Variants in RGS6 observed in about 807,000 individuals in gnomAD.
The protein encoded by RGS6 is regulator of G protein signaling 6, also known as regulator of G-protein signaling 6.
In RGS6, 30 loss-of-function variants were observed where a neutral mutation model predicts 78.5. The observed-to-expected ratio is 0.38, with a 90% CI of 0.29 to 0.52. The LOEUF (loss-of-function observed/expected upper bound fraction) is 0.52, where lower values mean the gene tolerates loss of function less well. RGS6 is among the 20% of genes least tolerant of loss of function. The pLI is 0.85. For synonymous variants in RGS6, 206 were observed against 206.0 expected (o/e 1.00, Z 0.00); for missense variants, 495 against 609.7 (o/e 0.81, Z 1.98).
the RGS6 span, chr14:72,612,377 T>C: frequency 2.1e-6 from 1 of 483,694 alleles, no homozygotes; most frequent in Admixed American, 2.1e-5. Context: ...TGCTCTGAGA[T>C]AATCATTCTA....
intron 17 of RGS6, chr14:72,540,537 C>T: frequency 1.3e-6 from 2 of 1,575,238 alleles, no homozygotes; most frequent in Admixed American, 3.4e-5. Context: ...CCCTGGCAGT[C>T]ACGCCGGTGT....
intron 2 of RGS6, among the ~76,000 whole-genome samples, chr14:72,314,664 C>T (rs571920777): frequency 1.3e-5 from 2 of 152,318 alleles, no homozygotes; most frequent in Non-Finnish European, 2.9e-5. Flanking sequence ...GAGATTTTGC[C>T]ATTCTGCCAC....
intron 7 of RGS6, among the ~76,000 whole-genome samples, chr14:72,468,853 T>C (rs2095997052): frequency 6.6e-6 from 1 of 152,200 alleles, no homozygotes; most frequent in Admixed American, 6.5e-5. Flanking sequence ...TAGAAGTACT[T>C]TCACACCAAG....
intron 2 of RGS6, among the ~76,000 whole-genome samples, chr14:72,192,949 C>T (rs2097345667): frequency 6.6e-6 from 1 of 151,898 alleles, no homozygotes; most frequent in African/African-American, 2.4e-5. Flanking sequence ...CTTCATCCAG[C>T]CATGGCAGAT....
At chr14:71,967,397 C>T (rs1180635210) in intron 2 of RGS6, among the ~76,000 whole-genome samples, 1 of 152,050 alleles carries the variant, frequency 6.6e-6, no homozygotes, top group Non-Finnish European at 1.5e-5. Context: ...GTTTTCTACT[C>T]CTGATGCTGT....
At chr14:72,450,213 C>T (rs950675426) in intron 3 of RGS6, among the ~76,000 whole-genome samples, 2 of 151,878 alleles carry the variant, frequency 1.3e-5, no homozygotes, top group Non-Finnish European at 2.9e-5. Flanking sequence ...TTTACAGTAA[C>T]CCTGTTCTCA....
At chr14:72,501,983 A>G (rs2153428330) in intron 13 of RGS6, among the ~76,000 whole-genome samples, 1 of 152,210 alleles carries the variant, frequency 6.6e-6, no homozygotes, top group Middle Eastern at 3.4e-3. Flanking sequence ...GTGGATCTCC[A>G]AATATGGCCC....
rs2094207081 is a variant in RGS6, at chr14:71,977,648, C to T, written c.84+12773C>T. On this transcript the variant is annotated intron_variant, in intron 2 of 17. Coordinates refer to ENST00000553525, the MANE Select transcript of RGS6 (RefSeq NM_001204424.2). The stretch of plus-strand genomic sequence containing the variant: ...TCTCTGTTTTGGTACCAGTACCATG[C>T]TGTTTTGGTTACTGTAGCCTTGTAG... Among the ~76,000 whole-genome samples the T allele has an allele frequency of 4.7e-5, 7 of 150,146 alleles. No individual in the cohort carries two copies. The South Asian group carries it at 1.0e-3, about 22-fold the overall frequency.
chr14:72,375,002 A>G (rs780003097), intron 3 of RGS6, among the ~76,000 whole-genome samples: 2 of 152,236 alleles, frequency 1.3e-5, no homozygotes, highest in Non-Finnish European at 2.9e-5. Context: ...AGCAGATTTG[A>G]CACAGCTAAA....
At chr14:72,021,452 T>C (rs1205746872) in intron 2 of RGS6, among the ~76,000 whole-genome samples, 3 of 150,820 alleles carry the variant, frequency 2.0e-5, no homozygotes, top group Non-Finnish European at 2.9e-5. Context: ...TTTTCTTTTT[T>C]CCTTTTTCTA....
intron 2 of RGS6, among the ~76,000 whole-genome samples, chr14:72,271,977 G>T (rs2060019944): frequency 6.7e-6 from 1 of 149,092 alleles, no homozygotes; most frequent in African/African-American, 2.5e-5. Context: ...TGATGGCACT[G>T]GGGCCACTGG....
At chr14:72,047,053 T>C (rs981553639) in intron 2 of RGS6, among the ~76,000 whole-genome samples, 3 of 152,242 alleles carry the variant, frequency 2.0e-5, no homozygotes, top group African/African-American at 7.2e-5. Flanking sequence ...ATTTTCTTTA[T>C]AGTAGATGCT....
intron 2 of RGS6, among the ~76,000 whole-genome samples, chr14:72,314,258 C>G (rs2069433216): frequency 1.3e-5 from 2 of 152,198 alleles, no homozygotes; most frequent in African/African-American, 4.8e-5. Flanking sequence ...GGTTAGACAG[C>G]TCACTGACAT....
intron 3 of RGS6, among the ~76,000 whole-genome samples, chr14:72,414,085 C>G (rs1410075035): frequency 1.3e-5 from 2 of 152,124 alleles, no homozygotes; most frequent in Non-Finnish European, 2.9e-5. Flanking sequence ...TTGTGGCGTT[C>G]TCTGTATTTC....
intron 2 of RGS6, among the ~76,000 whole-genome samples, chr14:72,199,163 C>G (rs1287123102): frequency 3.3e-5 from 5 of 152,056 alleles, no homozygotes; most frequent in Non-Finnish European, 7.4e-5. Context: ...AAGTGAAGGC[C>G]CAGTGATGGA....
chr14:71,964,272 T>A (rs545895037), intron 1 of RGS6, among the ~76,000 whole-genome samples: 12 of 152,336 alleles, frequency 7.9e-5, no homozygotes, highest in Middle Eastern at 3.4e-3. Flanking sequence ...TTTGGGAGGC[T>A]GAGGCTGGTG....
rs578159704 is a variant in RGS6, at chr14:72,502,695, C to T, written c.965+7433C>T. On this transcript the variant is annotated intron_variant, in intron 13 of 17. Coordinates refer to ENST00000553525, the MANE Select transcript of RGS6 (RefSeq NM_001204424.2). ...AGGAGAATAGTTTGAACCTGGGAGGCGGAGGTTGCAGTGAGCTGAGATCGT... is the reference window on the plus strand; with the variant it reads ...AGGAGAATAGTTTGAACCTGGGAGGTGGAGGTTGCAGTGAGCTGAGATCGT... 7.2e-5 allele frequency among the ~76,000 whole-genome samples: 11 copies of T among 152,142 alleles called. No individual in the cohort carries two copies. The East Asian group carries it at 1.4e-3, about 19-fold the overall frequency.
intron 3 of RGS6, among the ~76,000 whole-genome samples, chr14:72,403,882 A>G (rs1199455333): frequency 6.6e-6 from 1 of 152,222 alleles, no homozygotes; most frequent in East Asian, 1.9e-4. Context: ...AATTATGTTT[A>G]ATTTCCAGAA....
chr14:72,248,517 C>A (rs1435599457), intron 2 of RGS6, among the ~76,000 whole-genome samples: 2 of 152,154 alleles, frequency 1.3e-5, no homozygotes, highest in African/African-American at 2.4e-5. Context: ...CCCACATATA[C>A]AAAAGGTCCT....
Sources: allele counts gnomAD v4.1 joint callset (sites outside exome capture counted in the v4.1 genomes callset), GRCh38; gene constraint gnomAD v4.1.1; transcripts MANE v1.5; gene names NCBI Gene and HGNC (gene_info 2026-07-23, HGNC 2026-07-21).